PTN: variants seen among roughly 807,000 people sequenced by gnomAD.
PTN encodes the protein heparin affin regulatory protein.
PTN carries 18 observed loss-of-function variants against 24.1 expected under a neutral mutation model. That is an observed-to-expected ratio of 0.75 (90% CI 0.52 to 1.11). The LOEUF is 1.11. Ranked by LOEUF, PTN falls within the 50% of genes least tolerant of loss-of-function variation. The probability of loss-of-function intolerance (pLI) is 0.00; values close to 1 mark genes in which losing one functional copy is unlikely to be tolerated. For synonymous variants in PTN, 78 were observed against 68.6 expected (o/e 1.14, Z -0.67); for missense variants, 163 against 198.8 (o/e 0.82, Z 1.08).
chr7:137,321,554 T>C (rs890879968), intron 1 of PTN, among the ~76,000 whole-genome samples: 1 of 152,212 alleles, frequency 6.6e-6, no homozygotes, highest in Non-Finnish European at 1.5e-5. Flanking sequence ...CTCAAAGATA[T>C]TTTATATATA....
chr7:137,322,990 A>T (rs1053144876), intron 1 of PTN, among the ~76,000 whole-genome samples: 5 of 152,240 alleles, frequency 3.3e-5, no homozygotes, highest in Non-Finnish European at 7.3e-5. Flanking sequence ...AAGTGGCAGC[A>T]GCATCAATGT....
intron 1 of PTN, among the ~76,000 whole-genome samples, chr7:137,343,022 G>A (rs1048335341): frequency 2.0e-5 from 3 of 152,068 alleles, no homozygotes; most frequent in Non-Finnish European, 2.9e-5. Context: ...GAGAGAGGCT[G>A]GGAAAATGAG....
intron 4 of PTN, among the ~76,000 whole-genome samples, chr7:137,239,239 T>C (rs1335670153): frequency 6.6e-6 from 1 of 152,214 alleles, no homozygotes; most frequent in Admixed American, 6.5e-5. Context: ...CTACACATTT[T>C]TGAAGCCAGT....
chr7:137,266,408 A>T (rs1054767643), intron 1 of PTN, among the ~76,000 whole-genome samples: 1 of 152,190 alleles, frequency 6.6e-6, no homozygotes, highest in Non-Finnish European at 1.5e-5. Context: ...TGTTTCTTCA[A>T]TAGTACTCAG....
chr7:137,295,190 A>G (rs541830604), intron 1 of PTN, among the ~76,000 whole-genome samples: 1 of 152,302 alleles, frequency 6.6e-6, no homozygotes, highest in East Asian at 1.9e-4. Flanking sequence ...AAATATACTT[A>G]TTCATTCAAT....
At chr7:137,321,084 A>G (rs566313141) in intron 1 of PTN, among the ~76,000 whole-genome samples, 1 of 152,256 alleles carries the variant, frequency 6.6e-6, no homozygotes, top group Non-Finnish European at 1.5e-5. Context: ...TAAGGAAACG[A>G]CCCAACAGCT....
intron 1 of PTN, among the ~76,000 whole-genome samples, chr7:137,322,334 T>C (rs1465568145): frequency 2.0e-5 from 3 of 152,198 alleles, no homozygotes; most frequent in Non-Finnish European, 4.4e-5. Flanking sequence ...ATTTTAAAAA[T>C]ATAAAACATA....
intron 1 of PTN, among the ~76,000 whole-genome samples, chr7:137,328,109 A>T (rs182606745): frequency 1.2e-4 from 19 of 152,334 alleles, no homozygotes; most frequent in Non-Finnish European, 8.8e-5. Context: ...GTAGAATTAC[A>T]GTTACAGTTA....
chr7:137,268,241 G>C (rs532649118), intron 1 of PTN, among the ~76,000 whole-genome samples: 1 of 152,040 alleles, frequency 6.6e-6, no homozygotes, highest in South Asian at 2.1e-4. Flanking sequence ...GCGTCGCTCC[G>C]GCTGGTTGGA....
At chr7:137,314,693 C>T (rs1810041548) in intron 1 of PTN, among the ~76,000 whole-genome samples, 1 of 148,980 alleles carries the variant, frequency 6.7e-6, no homozygotes, top group African/African-American at 2.5e-5. Context: ...CTCCCAGGTT[C>T]AAACAATTTT....
intron 1 of PTN, among the ~76,000 whole-genome samples, chr7:137,310,223 A>T (rs58644717): frequency 0.092 from 13,932 of 152,108 alleles, 2,104 homozygotes; most frequent in African/African-American, 0.31. Flanking sequence ...GGGTCTCAAC[A>T]GTGAGTTTAA....
In PTN at chr7:137,310,051, G is replaced by A. The variant is rs377516941; in HGVS notation, c.-2+33388C>T. On this transcript the variant is annotated intron_variant, in intron 1 of 4. Coordinates refer to ENST00000348225, the MANE Select transcript of PTN (RefSeq NM_002825.7). ...TGTATTTCTTACATATAACTTGAAA[G>A]TTGAAATGACCCTTTGATCCATAGG... is the stretch of plus-strand genomic sequence containing the variant. 5.3e-5 allele frequency among the ~76,000 whole-genome samples: 8 copies of A among 152,194 alleles called. No individual in the cohort carries two copies. In the South Asian group the frequency reaches 1.4e-3, roughly 28 times the overall value.
chr7:137,335,549 T>A (rs1810432946), intron 1 of PTN, among the ~76,000 whole-genome samples: 1 of 152,224 alleles, frequency 6.6e-6, no homozygotes, highest in African/African-American at 2.4e-5. Flanking sequence ...GCATTCTGAT[T>A]TGTCTCCTGT....
At chr7:137,328,489 A>ATT (rs957525932) in intron 1 of PTN, among the ~76,000 whole-genome samples, 1 of 152,040 alleles carries the variant, frequency 6.6e-6, no homozygotes, top group Non-Finnish European at 1.5e-5. Context: ...CTGTAGCAGG[A>ATT]TTTTTTTCCC....
At chr7:137,323,186 A>G (rs1810193404) in intron 1 of PTN, among the ~76,000 whole-genome samples, 1 of 152,198 alleles carries the variant, frequency 6.6e-6, no homozygotes, top group Admixed American at 6.5e-5. Flanking sequence ...ACAAAAGTAC[A>G]TGGTTTGTTG....
intron 1 of PTN, among the ~76,000 whole-genome samples, chr7:137,310,731 T>C (rs986909464): frequency 2.6e-5 from 4 of 152,126 alleles, no homozygotes; most frequent in African/African-American, 9.7e-5. Context: ...TTCATTTACA[T>C]TGAAAATGTG....
chr7:137,266,012 T>C (rs1585020110), intron 1 of PTN, among the ~76,000 whole-genome samples: 1 of 152,220 alleles, frequency 6.6e-6, no homozygotes, highest in Non-Finnish European at 1.5e-5. Context: ...TATTAGTGTG[T>C]TATTAATGTT....
At chr7:137,236,000 A>G in intron 4 of PTN, 1 of 586,136 alleles carries the variant, frequency 1.7e-6, no homozygotes, top group Non-Finnish European at 3.0e-6. Flanking sequence ...CATCTCCTAA[A>G]AACAGAAAGT....
intron 1 of PTN, among the ~76,000 whole-genome samples, chr7:137,314,429 G>A (rs1342404324): frequency 3.3e-5 from 5 of 152,150 alleles, no homozygotes; most frequent in African/African-American, 1.2e-4. Context: ...GTAGCACAAT[G>A]CAAAGTTTAC....
Sources: allele counts gnomAD v4.1 joint callset (sites outside exome capture counted in the v4.1 genomes callset), GRCh38; gene constraint gnomAD v4.1.1; transcripts MANE v1.5; gene names NCBI Gene and HGNC (gene_info 2026-07-23, HGNC 2026-07-21).